The following ITGA9 variants were observed in gnomAD, a reference collection of about 807,000 sequenced individuals.
ITGA9 encodes the protein integrin alpha-9.
A neutral mutation model predicts 127.8 loss-of-function variants in ITGA9; 56 were observed. The ratio of observed to expected loss-of-function variants is 0.44; its 90% confidence interval spans 0.35 to 0.55. ITGA9 has a LOEUF of 0.55. Ranked by LOEUF, ITGA9 falls within the 20% of genes least tolerant of loss-of-function variation. ITGA9 has a pLI of 0.00. For synonymous variants in ITGA9, 508 were observed against 514.5 expected (o/e 0.99, Z 0.17); for missense variants, 1,196 against 1,347.1 (o/e 0.89, Z 1.76).
chr3:37,775,643 C>G (rs1696897701), intron 23 of ITGA9, among the ~76,000 whole-genome samples: 1 of 71,220 alleles, frequency 1.4e-5, no homozygotes, highest in African/African-American at 4.0e-5. Flanking sequence ...GCGACTCCAT[C>G]TCAAAAAAAA....
chr3:37,709,086 C>G (rs1465814957), intron 18 of ITGA9, among the ~76,000 whole-genome samples: 1 of 152,072 alleles, frequency 6.6e-6, no homozygotes, highest in African/African-American at 2.4e-5. Context: ...AGAACAGATG[C>G]CTAAGTTTTC....
chr3:37,610,219 G>GCC (rs1293477186), intron 15 of ITGA9, among the ~76,000 whole-genome samples: 11 of 152,170 alleles, frequency 7.2e-5, no homozygotes, highest in Admixed American at 6.5e-4. Flanking sequence ...TCCTAAATTA[G>GCC]ATTTTACATT....
chr3:37,695,374 A>G (rs1036623832), intron 18 of ITGA9, among the ~76,000 whole-genome samples: 4 of 152,216 alleles, frequency 2.6e-5, no homozygotes, highest in Admixed American at 1.3e-4. Flanking sequence ...TTTACCTTCA[A>G]CTGGTTTCCT....
intron 16 of ITGA9, among the ~76,000 whole-genome samples, chr3:37,646,577 G>A (rs1478253078): frequency 6.6e-6 from 1 of 152,224 alleles, no homozygotes; most frequent in South Asian, 2.1e-4. Flanking sequence ...TTTAACTAGG[G>A]AGGAATAAGA....
rs150083417 is a variant in ITGA9, at chr3:37,688,325, T to C, written c.2067+4310T>C. On this transcript the variant is annotated intron_variant, in intron 18 of 27. Transcript: ENST00000264741. ...AAACTACTCAAGAATACAAAAGTAG[T>C]TGAATAAAAAGTGTGCCACAGCCAA... is the stretch of plus-strand genomic sequence containing the variant. 2.0e-5 allele frequency among the ~76,000 whole-genome samples: 3 copies of C among 152,162 alleles called. No homozygotes were observed. In the East Asian group the frequency reaches 5.8e-4, roughly 29 times the overall value.
intron 13 of ITGA9, among the ~76,000 whole-genome samples, chr3:37,532,058 G>C (rs1233544763): frequency 6.6e-6 from 1 of 152,158 alleles, no homozygotes; most frequent in African/African-American, 2.4e-5. Flanking sequence ...TCCACTTTCC[G>C]ATTTATTTCT....
chr3:37,740,464 T>C (rs1575215548), intron 20 of ITGA9, among the ~76,000 whole-genome samples: 1 of 152,238 alleles, frequency 6.6e-6, no homozygotes, highest in Admixed American at 6.5e-5. Flanking sequence ...CTCTTCCTCC[T>C]GTTCCTTCTC....
chr3:37,628,346 T>C (rs1358715722), intron 15 of ITGA9, among the ~76,000 whole-genome samples: 4 of 152,106 alleles, frequency 2.6e-5, no homozygotes, highest in Admixed American at 6.6e-5. Flanking sequence ...ACTTGTGAGA[T>C]TGTGGGGGCC....
chr3:37,511,830 C>T (rs1300970782), intron 8 of ITGA9, among the ~76,000 whole-genome samples: 1 of 152,170 alleles, frequency 6.6e-6, no homozygotes, highest in Non-Finnish European at 1.5e-5. Context: ...GGAGTGTCCT[C>T]TACCTCTCTC....
chr3:37,528,423 A>G (rs1286618152), intron 13 of ITGA9, among the ~76,000 whole-genome samples: 1 of 152,170 alleles, frequency 6.6e-6, no homozygotes, highest in East Asian at 1.9e-4. Flanking sequence ...GACCTAGGAG[A>G]GGAGCCTGGG....
intron 21 of ITGA9, among the ~76,000 whole-genome samples, chr3:37,743,566 T>C (rs1223389257): frequency 2.6e-5 from 4 of 152,266 alleles, no homozygotes; most frequent in Non-Finnish European, 5.9e-5. Context: ...ATTTATTTTT[T>C]AAAAGCTTAT....
At chr3:37,539,452 G>A (rs1699245170) in intron 14 of ITGA9, among the ~76,000 whole-genome samples, 2 of 152,210 alleles carry the variant, frequency 1.3e-5, no homozygotes, top group South Asian at 4.1e-4. Flanking sequence ...GAGATTATGA[G>A]GTCTGGGAAG....
chr3:37,537,559 A>G (rs976247095), intron 14 of ITGA9, among the ~76,000 whole-genome samples: 1 of 152,116 alleles, frequency 6.6e-6, no homozygotes, highest in Non-Finnish European at 1.5e-5. Flanking sequence ...CAATCAAACA[A>G]TAATAATTAA....
intron 15 of ITGA9, among the ~76,000 whole-genome samples, chr3:37,600,033 C>T (rs1490782344): frequency 1.3e-5 from 2 of 152,092 alleles, no homozygotes; most frequent in South Asian, 2.1e-4. Flanking sequence ...TGTGGGAAAG[C>T]GGGACTCTTA....
intron 15 of ITGA9, among the ~76,000 whole-genome samples, chr3:37,608,862 AT>A (rs1192952336): frequency 2.6e-5 from 4 of 152,108 alleles, no homozygotes; most frequent in African/African-American, 9.7e-5. Context: ...ACCTAGTGTT[AT>A]CTGTCTCAGG....
chr3:37,454,923 T>C (rs539900950), intron 1 of ITGA9, among the ~76,000 whole-genome samples: 1 of 152,316 alleles, frequency 6.6e-6, no homozygotes, highest in African/African-American at 2.4e-5. Context: ...ACTTCCAACA[T>C]CTTCTTTCTC....
chr3:37,739,775 C>A (rs1017100273), intron 20 of ITGA9, among the ~76,000 whole-genome samples: 1 of 151,904 alleles, frequency 6.6e-6, no homozygotes, highest in Non-Finnish European at 1.5e-5. Context: ...GGGCCTGAGC[C>A]GGCCAAACAA....
chr3:37,589,333 G>C (rs1284993234), intron 15 of ITGA9, among the ~76,000 whole-genome samples: 1 of 152,166 alleles, frequency 6.6e-6, no homozygotes, highest in Non-Finnish European at 1.5e-5. Context: ...CACCTATCAT[G>C]TGCAAGTACT....
intron 4 of ITGA9, among the ~76,000 whole-genome samples, chr3:37,482,128 C>T (rs1055100479): frequency 6.6e-6 from 1 of 152,098 alleles, no homozygotes; most frequent in East Asian, 1.9e-4. Flanking sequence ...GAGAGGAGAC[C>T]CAGGATTCAT....
Sources: allele counts gnomAD v4.1 joint callset (sites outside exome capture counted in the v4.1 genomes callset), GRCh38; gene constraint gnomAD v4.1.1; transcripts MANE v1.5; gene names NCBI Gene and HGNC (gene_info 2026-07-23, HGNC 2026-07-21).